Variants in CCDC169 observed in about 807,000 individuals in gnomAD.
CCDC169 encodes coiled-coil domain containing 169.
In CCDC169, 30 loss-of-function variants were observed where a neutral mutation model predicts 36.0. The observed-to-expected ratio is 0.83, with a 90% CI of 0.62 to 1.13. The LOEUF (loss-of-function observed/expected upper bound fraction) is 1.13. CCDC169 is among the 50% of genes most tolerant of loss of function. The pLI is 0.00. For synonymous variants in CCDC169, 85 were observed against 81.5 expected, an observed-to-expected ratio of 1.04 and a Z score of -0.23; for missense variants, 245 against 245.9, an observed-to-expected ratio of 1.00 and a Z score of 0.03.
chr13:36,260,962 C>T (rs1413051054), intron 4 of CCDC169, among the ~76,000 whole-genome samples: 1 of 152,084 alleles, frequency 6.6e-6, no homozygotes, highest in African/African-American at 2.4e-5. Context: ...TTCTACCTGG[C>T]CAACATTCAC....
At chr13:36,282,353 T>C in intron 4 of CCDC169, 2 of 982,800 alleles carry the variant, frequency 2.0e-6, no homozygotes, top group Non-Finnish European at 2.4e-6. Flanking sequence ...TAAGACTTAG[T>C]TTTGTCCTTA....
chr13:36,231,625 C>T (rs1003863924), intron 7 of CCDC169, among the ~76,000 whole-genome samples: 3 of 152,234 alleles, frequency 2.0e-5, no homozygotes. Flanking sequence ...CCATGAGATC[C>T]TTTTTCCATT....
At chr13:36,291,534 T>A (rs757792711) in intron 2 of CCDC169, among the ~76,000 whole-genome samples, 1 of 152,194 alleles carries the variant, frequency 6.6e-6, no homozygotes, top group Admixed American at 6.5e-5. Flanking sequence ...TTTAAATAAA[T>A]ATTTATTTCA....
chr13:36,287,537 C>T (rs1272817386), intron 2 of CCDC169, among the ~76,000 whole-genome samples: 1 of 152,120 alleles, frequency 6.6e-6, no homozygotes, highest in Non-Finnish European at 1.5e-5. Context: ...TGTATGTATA[C>T]ATGTTTAGAT....
chr13:36,261,798 T>C (rs1874644528), intron 4 of CCDC169, among the ~76,000 whole-genome samples: 1 of 152,156 alleles, frequency 6.6e-6, no homozygotes, highest in Non-Finnish European at 1.5e-5. Context: ...CTCCAGAGCC[T>C]GCCCTGTGAT....
chr13:36,262,619 T>C (rs997213961), intron 4 of CCDC169, among the ~76,000 whole-genome samples: 2 of 152,130 alleles, frequency 1.3e-5, no homozygotes, highest in Non-Finnish European at 2.9e-5. Flanking sequence ...ACTGAAAGGA[T>C]AAAGGTGGCT....
intron 4 of CCDC169, among the ~76,000 whole-genome samples, chr13:36,256,516 T>C (rs1873901978): frequency 6.6e-6 from 1 of 151,458 alleles, no homozygotes; most frequent in Non-Finnish European, 1.5e-5. Flanking sequence ...CCATAATCAA[T>C]GACCTCCATC....
intron 2 of CCDC169, among the ~76,000 whole-genome samples, chr13:36,292,479 A>T (rs1170368992): frequency 1.3e-5 from 2 of 152,184 alleles, no homozygotes; most frequent in Non-Finnish European, 2.9e-5. Context: ...GTGAAATTCA[A>T]ATTAAAACAT....
At chr13:36,255,211 A>G (rs1389921801) in intron 4 of CCDC169, among the ~76,000 whole-genome samples, 2 of 152,136 alleles carry the variant, frequency 1.3e-5, no homozygotes, top group African/African-American at 4.8e-5. Context: ...GTTTTCATGC[A>G]CCTTGTGAAG....
intron 4 of CCDC169, chr13:36,283,007 T>C (rs1225367094): frequency 6.3e-6 from 1 of 159,592 alleles, no homozygotes; most frequent in Non-Finnish European, 1.4e-5. Flanking sequence ...AACATAGCCC[T>C]AGCAACTATT....
At chr13:36,292,465 T>C (rs1403120504) in intron 2 of CCDC169, among the ~76,000 whole-genome samples, 1 of 152,226 alleles carries the variant, frequency 6.6e-6, no homozygotes, top group African/African-American at 2.4e-5. Flanking sequence ...TACTAAACTT[T>C]GTTGTGAAAT....
chr13:36,232,790 T>C (rs1224501650), intron 7 of CCDC169, among the ~76,000 whole-genome samples: 1 of 151,442 alleles, frequency 6.6e-6, no homozygotes, highest in Non-Finnish European at 1.5e-5. Context: ...TCTCAGCTAG[T>C]TGGGAGGCTG....
At chr13:36,227,433 T>G, downstream of CCDC169, 1 of 1,445,984 alleles carries the variant, frequency 6.9e-7, no homozygotes, top group Non-Finnish European at 9.2e-7. Flanking sequence ...AAGGTACAAA[T>G]ATGCTAATAA....
chr13:36,295,884 T>C (rs1337296337), intron 1 of CCDC169, 27 bp from the exon 2 acceptor site: 2 of 1,293,024 alleles, frequency 1.5e-6, no homozygotes, highest in East Asian at 2.5e-5. Context: ...TTTTGTTGAT[T>C]ATAATTCAAT....
At chr13:36,248,442 G>A in intron 7 of CCDC169, 164 bp downstream of exon 7, 1 of 516,004 alleles carries the variant, frequency 1.9e-6, no homozygotes, top group Admixed American at 3.5e-5. Flanking sequence ...TATAAATAGT[G>A]GAACAGATCA....
chr13:36,266,447 T>A (rs907751785), intron 4 of CCDC169, among the ~76,000 whole-genome samples: 3 of 152,176 alleles, frequency 2.0e-5, no homozygotes, highest in African/African-American at 7.2e-5. Context: ...CCAGATGTCC[T>A]GTCAGAGTTT....
intron 7 of CCDC169, 81 bp from the exon 8 acceptor site, chr13:36,231,373 T>C: frequency 7.5e-7 from 1 of 1,338,790 alleles, no homozygotes. Context: ...CAGGAAGAAA[T>C]GTATATTGCA....
chr13:36,242,103 T>A (rs1871901288), intron 7 of CCDC169, among the ~76,000 whole-genome samples: 2 of 152,230 alleles, frequency 1.3e-5, no homozygotes, highest in African/African-American at 2.4e-5. Context: ...CTTGCGGGAC[T>A]GTGATTCAAT....
chr13:36,297,592 G>A (rs1239753490), intron 1 of CCDC169, 45 bp downstream of exon 1: 66 of 1,522,804 alleles, frequency 4.3e-5, no homozygotes, highest in Non-Finnish European at 5.8e-5. Flanking sequence ...GTGAAGGCTC[G>A]GGGGGTGTGG....
Sources: allele counts gnomAD v4.1 joint callset (sites outside exome capture counted in the v4.1 genomes callset), GRCh38; gene constraint gnomAD v4.1.1; transcripts MANE v1.5; gene names NCBI Gene and HGNC (gene_info 2026-07-23, HGNC 2026-07-21).